The following CYRIA variants were observed in gnomAD, a reference collection of about 807,000 sequenced individuals.
CYRIA encodes the protein CYFIP-related Rac1 interactor A.
A neutral mutation model predicts 43.9 loss-of-function variants in CYRIA; 15 were observed. The ratio of observed to expected loss-of-function variants is 0.34; its 90% CI spans 0.23 to 0.53. CYRIA has a LOEUF of 0.53. Ranked by LOEUF, CYRIA falls within the 20% of genes least tolerant of loss-of-function variation. The probability of loss-of-function intolerance (pLI) is 0.94; values close to 1 mark genes in which losing one functional copy is unlikely to be tolerated. For synonymous variants in CYRIA, 117 were observed against 136.0 expected (o/e 0.86, Z 0.97); for missense variants, 236 against 394.2 (o/e 0.60, Z 3.40).
chr2:16,657,058 C>T (rs920940697), intron 1 of CYRIA, among the ~76,000 whole-genome samples: 3 of 152,230 alleles, frequency 2.0e-5, no homozygotes, highest in Admixed American at 6.5e-5. Context: ...CAGTGCTTCC[C>T]ACTCTCCTCC....
intron 3 of CYRIA, among the ~76,000 whole-genome samples, chr2:16,571,510 A>T (rs533328029): frequency 2.0e-5 from 3 of 152,348 alleles, no homozygotes; most frequent in East Asian, 3.9e-4. Context: ...AAGGACTTAC[A>T]CTGTCTTCAA....
chr2:16,629,930 C>G (rs1052173960), intron 1 of CYRIA, among the ~76,000 whole-genome samples: 4 of 152,202 alleles, frequency 2.6e-5, no homozygotes, highest in African/African-American at 9.7e-5. Flanking sequence ...AGCATGCAGC[C>G]TTCCCATGGT....
chr2:16,578,920 G>A (rs1667449234), intron 3 of CYRIA, among the ~76,000 whole-genome samples: 1 of 152,088 alleles, frequency 6.6e-6, no homozygotes, highest in South Asian at 2.1e-4. Context: ...AGGAAACTTA[G>A]AGAACCATAA....
intron 1 of CYRIA, among the ~76,000 whole-genome samples, chr2:16,651,166 A>T (rs886414900): frequency 1.3e-5 from 2 of 152,040 alleles, no homozygotes; most frequent in African/African-American, 4.8e-5. Context: ...TTTTCATGAC[A>T]ATTCACACCT....
intron 3 of CYRIA, among the ~76,000 whole-genome samples, chr2:16,580,388 A>G (rs958138433): frequency 6.6e-6 from 1 of 152,234 alleles, no homozygotes; most frequent in Non-Finnish European, 1.5e-5. Flanking sequence ...AACCATAAAA[A>G]AGCTGGTATA....
At chr2:16,611,203 CA>C (rs11399188) in intron 2 of CYRIA, among the ~76,000 whole-genome samples, 220 of 139,922 alleles carry the variant, frequency 1.6e-3, no homozygotes, top group African/African-American at 1.4e-3. Flanking sequence ...ACTAAAAATA[CA>C]AAAAAAAAAA....
At chr2:16,659,374 G>A (rs1215018874) in intron 1 of CYRIA, among the ~76,000 whole-genome samples, 5 of 152,290 alleles carry the variant, frequency 3.3e-5, no homozygotes, top group East Asian at 1.9e-4. Flanking sequence ...ACTTCCATTC[G>A]CCCATCCATA....
intron 2 of CYRIA, among the ~76,000 whole-genome samples, chr2:16,615,866 C>G (rs1558428131): frequency 6.6e-6 from 1 of 152,228 alleles, no homozygotes; most frequent in Non-Finnish European, 1.5e-5. Flanking sequence ...CTGGGATATC[C>G]CTGGTGCAAA....
At chr2:16,557,801 T>C (rs1007794115) in intron 10 of CYRIA, among the ~76,000 whole-genome samples, 4 of 152,146 alleles carry the variant, frequency 2.6e-5, no homozygotes, top group Non-Finnish European at 2.9e-5. Context: ...TTTTACCCAG[T>C]GTATTTTTAA....
rs1666227478 is a variant in CYRIA at position 16,549,727 on chromosome 2, G to A, written c.*3209C>T. Reference sequence around the variant, plus strand: ...CATAGGATACAAGATTGAATGAGAAGTCTCTGAATTCTACTGCACAATTGG... The same window carrying A: ...CATAGGATACAAGATTGAATGAGAAATCTCTGAATTCTACTGCACAATTGG... On this transcript the variant is annotated 3_prime_UTR_variant, in exon 12 of 12. Transcript: ENST00000381323. 1 of 152,082 alleles carries A rather than the reference G, an allele frequency of 6.6e-6. No homozygotes were observed. The allele number at this position is 152,082 out of a possible 1,614,324, so 9.4% of individuals were successfully genotyped here.
rs200918950 is a variant in CYRIA, at chr2:16,588,040, T to C, written c.70+10A>G. 3.2e-5 allele frequency: 51 copies of C among 1,570,840 alleles called. No individual in the cohort carries two copies. In the African/African-American group the frequency reaches 6.8e-4, roughly 21 times the overall value. ...AAAAAGTTTCCATTATTATAATTTT[T>C]GGAACTTACTTTCAAAATCCAGGAA... On this transcript the variant is annotated intron_variant, in intron 3 of 11. Transcript: ENST00000381323.
chr2:16,643,927 G>C (rs780380706), intron 1 of CYRIA, among the ~76,000 whole-genome samples: 1 of 152,226 alleles, frequency 6.6e-6, no homozygotes, highest in African/African-American at 2.4e-5. Context: ...GCCAAGCACA[G>C]TGCCTGCAGA....
chr2:16,555,492 T>C (rs1266969729), intron 10 of CYRIA, among the ~76,000 whole-genome samples: 3 of 152,136 alleles, frequency 2.0e-5, no homozygotes, highest in African/African-American at 7.2e-5. Context: ...TATGTCTATG[T>C]TGGACATGTC....
intron 2 of CYRIA, among the ~76,000 whole-genome samples, chr2:16,611,482 G>T (rs1220449660): frequency 1.3e-5 from 2 of 152,248 alleles, no homozygotes; most frequent in Non-Finnish European, 2.9e-5. Context: ...GTAAGGATGA[G>T]AATCTGCATT....
chr2:16,567,420 AC>A (rs1666973178), intron 3 of CYRIA, among the ~76,000 whole-genome samples: 1 of 152,028 alleles, frequency 6.6e-6, no homozygotes, highest in Non-Finnish European at 1.5e-5. Flanking sequence ...AACAACAACA[AC>A]AACAATGAAA....
At chr2:16,600,554 A>T (rs750880350) in intron 2 of CYRIA, among the ~76,000 whole-genome samples, 62 of 152,204 alleles carry the variant, frequency 4.1e-4, no homozygotes, top group Admixed American at 1.3e-3. Flanking sequence ...GCACTAGTTA[A>T]ATTAAACAAT....
Position 16,641,712 on chromosome 2 carries a change from T to C in CYRIA, c.-166-17693A>G, listed in dbSNP as rs530111869. ...GCATAAGCACACAAGTGAGCGTGCC[T>C]GCAGGATGGCAGACAGAAAAATGTT... On this transcript the variant is annotated intron_variant, in intron 1 of 11. Coordinates refer to ENST00000381323, the MANE Select transcript of CYRIA (RefSeq NM_030797.4). 1.6e-3 allele frequency among the ~76,000 whole-genome samples: 246 copies of C among 152,328 alleles called. 2 individuals carry two copies. Among genetic ancestry groups the C allele is most frequent in the African/African-American group, 5.7e-3 (236 of 41,568 alleles).
intron 1 of CYRIA, among the ~76,000 whole-genome samples, chr2:16,661,494 T>C (rs1360401350): frequency 6.6e-6 from 1 of 152,208 alleles, no homozygotes; most frequent in African/African-American, 2.4e-5. Flanking sequence ...GGAAGCTACT[T>C]CTAGCATCAT....
rs1026294055 is a variant in CYRIA at position 16,551,961 on chromosome 2, T to C, written c.*975A>G. On this transcript the variant is annotated 3_prime_UTR_variant, in exon 12 of 12. Coordinates refer to ENST00000381323, the MANE Select transcript of CYRIA (RefSeq NM_030797.4). ...GGAAATAGAAAACATGGATTTTTTT[T>C]CCCTCTAAATTCCCCTAGTTTTCTG... 1.3e-5 allele frequency: 2 copies of C among 152,112 alleles called. No homozygotes were observed. Among genetic ancestry groups the C allele is most frequent in the Admixed American group, 6.5e-5 (1 of 15,272 alleles). The allele number at this position is 152,112 out of a possible 1,614,324, so 9.4% of individuals were successfully genotyped here. A position where few individuals can be genotyped will look rare whatever the true frequency, so the allele number is the denominator to read the frequency against.
Sources: allele counts gnomAD v4.1 joint callset (sites outside exome capture counted in the v4.1 genomes callset), GRCh38; gene constraint gnomAD v4.1.1; transcripts MANE v1.5; gene names NCBI Gene and HGNC (gene_info 2026-07-23, HGNC 2026-07-21).